Variants in LGALS9 observed in about 807,000 individuals in gnomAD.
LGALS9 encodes galectin 9.
LGALS9 carries 26 observed loss-of-function variants against 35.9 expected under a neutral mutation model. The observed-to-expected ratio is 0.72, with a 90% CI of 0.53 to 1.01. LGALS9 has a LOEUF of 1.01. Among genes scored for constraint, LGALS9 ranks in the 50% least tolerant of loss-of-function variants. The probability of loss-of-function intolerance (pLI) is 0.00; values close to 1 mark genes in which losing one functional copy is unlikely to be tolerated. For missense variants in LGALS9, 347 were observed against 445.8 expected, an observed-to-expected ratio of 0.78 and a Z score of 1.99; for synonymous variants, 149 against 172.2, an observed-to-expected ratio of 0.87 and a Z score of 1.06.
intron 2 of LGALS9, chr17:27,640,309 G>C (rs1904367652): frequency 1.9e-6 from 1 of 538,656 alleles, no homozygotes; most frequent in Non-Finnish European, 3.4e-6. Context: ...TATGTTTCTT[G>C]TTTGCTAATA....
At chr17:27,641,521 T>G (rs1313539751) in intron 3 of LGALS9, among the ~76,000 whole-genome samples, 1 of 152,106 alleles carries the variant, frequency 6.6e-6, no homozygotes, top group Non-Finnish European at 1.5e-5. Context: ...AACACACCCT[T>G]GGGCCTGGTC....
intron 3 of LGALS9, chr17:27,641,082 C>A: frequency 1.8e-6 from 1 of 567,538 alleles, no homozygotes; most frequent in Non-Finnish European, 3.4e-6. Context: ...ATAGCCATTC[C>A]TCCTCTCCAG....
At chr17:27,637,758 G>A (rs192713539) in intron 1 of LGALS9, among the ~76,000 whole-genome samples, 111 of 152,308 alleles carry the variant, frequency 7.3e-4, no homozygotes, top group African/African-American at 2.2e-3. Context: ...ACCTCCTCGG[G>A]TGAGTCGAAG....
Position 27,631,218 on chromosome 17 carries a change from T to A in LGALS9, c.-48T>A. The A allele has an allele frequency of 6.2e-7, 1 of 1,613,900 alleles. No homozygotes were observed. The highest frequency in any genetic ancestry group is 8.5e-7 in the Non-Finnish European group (1 of 1,179,832). ...TTAAGTCGTTCCCTCTACAAAGGAC[T>A]TCCTAGTGGGTGTGAAAGGCAGCGG... On this transcript the variant is annotated 5_prime_UTR_variant, in exon 1 of 11. Transcript: ENST00000395473.
At chr17:27,647,719 T>G (rs1905052517) in intron 10 of LGALS9, among the ~76,000 whole-genome samples, 1 of 152,240 alleles carries the variant, frequency 6.6e-6, no homozygotes. Flanking sequence ...GAGGTGTTAT[T>G]CATTTCTTCA....
chr17:27,634,419 T>G (rs923548920), intron 1 of LGALS9, among the ~76,000 whole-genome samples: 16 of 152,062 alleles, frequency 1.1e-4, no homozygotes, highest in African/African-American at 3.9e-4. Flanking sequence ...GGTGTGGTGG[T>G]GCATGCCTGT....
rs1905105543 is a variant in LGALS9 at position 27,648,664 on chromosome 17, GAGC to G, written c.922-170_922-168del. Among the ~76,000 whole-genome samples, 3 of 149,626 alleles carry G rather than the reference GAGC, an allele frequency of 2.0e-5. No homozygotes were observed. The South Asian group carries it at 6.5e-4, about 32-fold the overall frequency. ...AGACCAGGGAACAGTACAGGGGAAA[GAGC>G]ACGCACAGCCTGTTTAGTGAAGAGC... On this transcript the variant is annotated intron_variant, in intron 10 of 10. Coordinates refer to ENST00000395473, the MANE Select transcript of LGALS9 (RefSeq NM_009587.3).
Position 27,647,020 on chromosome 17 carries a change from C to G in LGALS9, c.670-10C>G, listed in dbSNP as rs1316161165. The G allele has an allele frequency of 1.2e-6, 2 of 1,613,882 alleles. No individual in the cohort carries two copies. Among genetic ancestry groups the G allele is most frequent in the African/African-American group, 2.7e-5 (2 of 74,914 alleles). On this transcript the variant is annotated splice_polypyrimidine_tract_variant and intron_variant, in intron 8 of 10. Transcript: ENST00000395473. ...GCGTGGTGGCTGACCTGTCCCCCTT[C>G]TTCCGACAGCCGATGCCTTTCATCA... is the stretch of plus-strand genomic sequence containing the variant.
At position 27,640,941 on chromosome 17, in the gene LGALS9, A is replaced by C. The variant is rs1198243635; in HGVS notation, c.333+168A>C. 4.8e-6 allele frequency: 5 copies of C among 1,043,084 alleles called. No individual in the cohort carries two copies. The East Asian group carries it at 1.3e-4, about 27-fold the overall frequency. The allele number at this position is 1,043,084 out of a possible 1,614,324, so 64.6% of individuals were successfully genotyped here. On this transcript the variant is annotated intron_variant, in intron 3 of 10. Coordinates refer to ENST00000395473, the MANE Select transcript of LGALS9 (RefSeq NM_009587.3). ...TTACCCATGGCTGCCTAGTCTCCTT[A>C]TGCACCTTCATCTGAATCTACAGGT...
At chr17:27,638,087 G>C (rs1286446294) in intron 1 of LGALS9, among the ~76,000 whole-genome samples, 176 bp from the exon 2 acceptor site, 1 of 151,974 alleles carries the variant, frequency 6.6e-6, no homozygotes, top group Non-Finnish European at 1.5e-5. Flanking sequence ...ATTTGTGTTT[G>C]CCTCCACACA....
At chr17:27,643,705 C>G (rs1407724252) in intron 5 of LGALS9, 85 bp downstream of exon 5, 7 of 1,491,266 alleles carry the variant, frequency 4.7e-6, no homozygotes, top group Non-Finnish European at 6.2e-6. Context: ...GCCAGCAGGC[C>G]ACTCAGGGCC....
At chr17:27,637,562 C>G (rs533866065) in intron 1 of LGALS9, among the ~76,000 whole-genome samples, 45 of 152,232 alleles carry the variant, frequency 3.0e-4, no homozygotes, top group African/African-American at 9.4e-4. Context: ...CCACGCTAGG[C>G]CTCGGGGCTG....
At chr17:27,642,411 C>G in intron 4 of LGALS9, 63 bp downstream of exon 4, 1 of 1,608,300 alleles carries the variant, frequency 6.2e-7, no homozygotes, top group Non-Finnish European at 8.5e-7. Context: ...GTAGCTGTGT[C>G]TAAGCCCTGC....
At chr17:27,644,029 T>G in intron 5 of LGALS9, 2 of 172,154 alleles carry the variant, frequency 1.2e-5, no homozygotes, top group Non-Finnish European at 1.2e-5. Flanking sequence ...AAAGCCCAAA[T>G]TCTCCAGCAG....
Position 27,641,098 on chromosome 17 carries a change from T to C in LGALS9, c.333+325T>C, listed in dbSNP as rs748025506. The C allele has an allele frequency of 1.0e-3, 541 of 517,338 alleles. 4 individuals carry two copies. The highest frequency in any genetic ancestry group is 1.3e-3 in the East Asian group (28 of 21,310). 32.0% of individuals were successfully genotyped at this position (517,338 alleles called of 1,614,324 possible). A position where few individuals can be genotyped will look rare whatever the true frequency, so the allele number is the denominator to read the frequency against. On this transcript the variant is annotated intron_variant, in intron 3 of 10. Transcript: ENST00000395473. ...TAGCCATTCCTCCTCTCCAGGTCAC[T>C]GGTAACATTTATTTTTCAGCGACAT...
At chr17:27,634,886 C>T (rs1247392481) in intron 1 of LGALS9, among the ~76,000 whole-genome samples, 1 of 152,208 alleles carries the variant, frequency 6.6e-6, no homozygotes, top group Non-Finnish European at 1.5e-5. Flanking sequence ...TATATTTTAT[C>T]TATAAATAAA....
intron 10 of LGALS9, 123 bp downstream of exon 10, chr17:27,647,555 G>A: frequency 7.3e-7 from 1 of 1,367,474 alleles, no homozygotes; most frequent in Non-Finnish European, 9.9e-7. Flanking sequence ...AGGCCCAAAA[G>A]AAGAGAAGGT....
chr17:27,634,553 AAAAAAAC>A (rs1033483495), intron 1 of LGALS9, among the ~76,000 whole-genome samples: 4 of 152,268 alleles, frequency 2.6e-5, no homozygotes, highest in Admixed American at 6.5e-5. Flanking sequence ...TCCTGTCTCA[AAAAAAAC>A]AAAAAACAAA....
In LGALS9 at chr17:27,649,033, C is replaced by T. The variant is rs375249747; in HGVS notation, c.*51C>T. On this transcript the variant is annotated 3_prime_UTR_variant, in exon 11 of 11. Coordinates refer to ENST00000395473, the MANE Select transcript of LGALS9 (RefSeq NM_009587.3). ...GGCTGGGGTGTGGGGCAGTCTGGGTCCTCTCATCATCCCCACTTCCCAGGC... is the reference window on the plus strand; with the variant it reads ...GGCTGGGGTGTGGGGCAGTCTGGGTTCTCTCATCATCCCCACTTCCCAGGC... The T allele has an allele frequency of 9.3e-6, 15 of 1,611,532 alleles. No individual in the cohort carries two copies. Among genetic ancestry groups the T allele is most frequent in the Non-Finnish European group, 1.3e-5 (15 of 1,178,510 alleles).
Sources: allele counts gnomAD v4.1 joint callset (sites outside exome capture counted in the v4.1 genomes callset), GRCh38; gene constraint gnomAD v4.1.1; transcripts MANE v1.5; gene names NCBI Gene and HGNC (gene_info 2026-07-23, HGNC 2026-07-21).